POLE: variants seen among roughly 807,000 people sequenced by gnomAD.
POLE encodes DNA polymerase epsilon, catalytic subunit.
A neutral mutation model predicts 279.2 loss-of-function variants in POLE; 188 were observed. That is an observed-to-expected ratio of 0.67 (90% confidence interval 0.60 to 0.76). The LOEUF is 0.76. Among genes scored for constraint, POLE ranks in the 30% least tolerant of loss-of-function variants. POLE has a pLI of 0.00. For synonymous variants in POLE, 1,214 were observed against 1,172.5 expected (o/e 1.04, Z -0.72); for missense variants, 2,703 against 3,016.7 (o/e 0.90, Z 2.44).
rs2138507270 is a variant in POLE, at chr12:132,639,060, C to A, written c.5552+65G>T. On this transcript the variant is annotated intron_variant, in intron 40 of 48. Transcript: ENST00000320574. This position sits in a 1 kb window ranked among gnomAD's most constrained non-coding sequence, Gnocchi z 4.7. Reference sequence around the variant, plus strand: ...GCACTGGCTGGCCATGTCTCTGGTTCTGGGGAGTAAGGGACCAGCCCAGCT... The same window carrying A: ...GCACTGGCTGGCCATGTCTCTGGTTATGGGGAGTAAGGGACCAGCCCAGCT... 1 of 1,417,720 alleles carries A rather than the reference C, an allele frequency of 7.1e-7. No individual in the cohort carries two copies. The highest frequency in any genetic ancestry group is 1.2e-5 in the South Asian group (1 of 84,480). 87.8% of individuals were successfully genotyped at this position (1,417,720 alleles called of 1,614,324 possible). A position where few individuals can be genotyped will look rare whatever the true frequency, so the allele number is the denominator to read the frequency against.
Position 132,672,279 on chromosome 12 carries a change from G to C in POLE, c.1730C>G (p.Thr577Ser), listed in dbSNP as rs1418781426. ...CTCTTCCTCAAGGGCGTGGCGCAAG[G>C]TCTTCTCAACCCGCTGCAGCAGGAA... is the stretch of plus-strand genomic sequence containing the variant. ...FDFLLQRVEKTLRHALEEEEK... is the reference protein window; with the variant it reads ...FDFLLQRVEKSLRHALEEEEK... The change falls in exon 16 of 49, where the codon ACC (threonine) becomes AGC (serine). Residue 577 changes from threonine to serine, a missense_variant. By Grantham distance (58) the Thr-to-Ser change is moderately conservative (BLOSUM62 1). Coordinates refer to ENST00000320574, the MANE Select transcript of POLE (RefSeq NM_006231.4). 1.9e-6 allele frequency: 3 copies of C among 1,614,234 alleles called. No homozygotes were observed. The highest frequency in any genetic ancestry group is 2.5e-6 in the Non-Finnish European group (3 of 1,180,034).
chr12:132,641,547 G>A (rs2042141385), intron 39 of POLE, 100 bp downstream of exon 39: 3 of 979,896 alleles, frequency 3.1e-6, no homozygotes, highest in South Asian at 1.5e-5. Context: ...TAAGACTAAG[G>A]GAAGCCCAAT....
chr12:132,672,420 G>T (rs2042950447), intron 15 of POLE, 98 bp from the exon 16 acceptor site: 4 of 1,178,188 alleles, frequency 3.4e-6, no homozygotes, highest in Non-Finnish European at 5.0e-6. Context: ...GGTTGTGCCC[G>T]AGAAAGCTCC....
At position 132,673,584 on chromosome 12, in the gene POLE, C is replaced by T. The variant is rs1555228575; in HGVS notation, c.1350G>A (p.Glu450=). 6.2e-7 allele frequency: 1 copy of T among 1,612,454 alleles called. No individual in the cohort carries two copies. The highest frequency in any genetic ancestry group is 8.5e-7 in the Non-Finnish European group (1 of 1,179,980). Residue 450 remains glutamate, a synonymous_variant, in exon 13 of 49, where the codon GAG becomes GAA. Coordinates refer to ENST00000320574, the MANE Select transcript of POLE (RefSeq NM_006231.4). ...DPEDMCRMAT[E]QPQTLATYSV... ...GATGTGGCTTACGTGCCTGGGGCTG[C>T]TCCGTGGCCATCCGGCACATGTCCT...
intron 45 of POLE, among the ~76,000 whole-genome samples, chr12:132,627,437 C>T (rs753474123): frequency 2.0e-5 from 3 of 152,074 alleles, no homozygotes; most frequent in East Asian, 1.9e-4. Flanking sequence ...GTAGCTGGGA[C>T]GACAGGCATG....
chr12:132,670,747 C>G (rs1253266628), intron 16 of POLE, among the ~76,000 whole-genome samples: 1 of 152,062 alleles, frequency 6.6e-6, no homozygotes, highest in East Asian at 1.9e-4. Flanking sequence ...CCTCGGCCTC[C>G]CAAAGTGCTG....
At chr12:132,630,690 G>C (rs2041919220) in intron 45 of POLE, among the ~76,000 whole-genome samples, 1 of 152,220 alleles carries the variant, frequency 6.6e-6, no homozygotes. Flanking sequence ...CTGCACCCCA[G>C]CCTGGGCAAT....
chr12:132,652,893 C>T (rs2042454235), intron 29 of POLE, among the ~76,000 whole-genome samples: 1 of 152,134 alleles, frequency 6.6e-6, no homozygotes, highest in Non-Finnish European at 1.5e-5. Context: ...CTTATCCTTA[C>T]CCTTTATATG....
intron 47 of POLE, chr12:132,625,329 C>A (rs1325287947): frequency 2.8e-6 from 2 of 725,120 alleles, no homozygotes; most frequent in Non-Finnish European, 5.1e-6. Flanking sequence ...TGCTCAGATG[C>A]CCCTCGGCAA....
At position 132,647,342 on chromosome 12, in the gene POLE, A is replaced by G. The variant is rs368024562; in HGVS notation, c.4149+1587T>C. ...GTTAAACAAAAATCCTCTAATCCAT[A>G]GTAATACTTTAAAAAGAGAGGAAAA... On this transcript the variant is annotated intron_variant, in intron 32 of 48. Coordinates refer to ENST00000320574, the MANE Select transcript of POLE (RefSeq NM_006231.4). Among the ~76,000 whole-genome samples the G allele has an allele frequency of 1.2e-3, 178 of 152,198 alleles. No individual in the cohort carries two copies. In the Middle Eastern group the frequency reaches 0.017, roughly 15 times the overall value.
rs377036606 is a variant in POLE, at chr12:132,634,382, T to C, written c.5812-4A>G. On this transcript the variant is annotated splice_polypyrimidine_tract_variant and splice_region_variant and intron_variant, in intron 42 of 48. Coordinates refer to ENST00000320574, the MANE Select transcript of POLE (RefSeq NM_006231.4). This position sits in a 1 kb window ranked among gnomAD's most constrained non-coding sequence, Gnocchi z 4.0. ...CCCCTGCTTTCTGGGAGTCTTGCTG[T>C]AACACATGAGACAACGCGGCTGTGT... 2.0e-5 allele frequency: 33 copies of C among 1,611,986 alleles called. No individual in the cohort carries two copies. Among genetic ancestry groups the C allele is most frequent in the Non-Finnish European group, 2.6e-5 (31 of 1,178,544 alleles).
chr12:132,641,143 T>C, intron 39 of POLE: 1 of 446,500 alleles, frequency 2.2e-6, no homozygotes, highest in Non-Finnish European at 4.5e-6. Flanking sequence ...GAATGCGAAG[T>C]GCTCGGCCCA....
intron 45 of POLE, among the ~76,000 whole-genome samples, chr12:132,629,707 A>G (rs959665531): frequency 6.6e-6 from 1 of 152,154 alleles, no homozygotes; most frequent in Non-Finnish European, 1.5e-5. Flanking sequence ...AACTTTCTCC[A>G]TATCAGCAAC....
chr12:132,659,233 G>A (rs527942098), intron 26 of POLE, 62 bp downstream of exon 26: 59 of 1,522,952 alleles, frequency 3.9e-5, no homozygotes, highest in Non-Finnish European at 4.6e-5. Flanking sequence ...GTGACGGAGG[G>A]AGCCCTCACC....
Position 132,680,689 on chromosome 12 carries a change from T to G in POLE, c.205-2A>C. On this transcript the variant is annotated splice_acceptor_variant, in intron 2 of 48. Coordinates refer to ENST00000320574, the MANE Select transcript of POLE (RefSeq NM_006231.4). LOFTEE classifies it high-confidence loss of function. ...CTTATCTTCATCTAAAATCTCGGTC[T>G]ACAAGAGAATCAGTCAACACAGACA... The G allele has an allele frequency of 6.2e-7, 1 of 1,610,714 alleles. No individual in the cohort carries two copies. The highest frequency in any genetic ancestry group is 8.5e-7 in the Non-Finnish European group (1 of 1,176,884).
In POLE at chr12:132,675,365, C is replaced by T. The variant is rs779730694; in HGVS notation, c.1226+33G>A. On this transcript the variant is annotated intron_variant, in intron 12 of 48. Coordinates refer to ENST00000320574, the MANE Select transcript of POLE (RefSeq NM_006231.4). The surrounding 1 kb of genome is among the most constrained non-coding windows in gnomAD (Gnocchi z 4.3). ...GCCTTCAGATCTCGCTCACGGACAG[C>T]AGTGAGGAGCCATGCTGCTCTGTGG... 2 of 1,609,098 alleles carry T rather than the reference C, an allele frequency of 1.2e-6. No homozygotes were observed. Among genetic ancestry groups the T allele is most frequent in the Admixed American group, 1.7e-5 (1 of 59,630 alleles).
In POLE at chr12:132,624,817, GAATA is replaced by G; in HGVS notation, c.6748-11_6748-8del. On this transcript the variant is annotated splice_region_variant and splice_polypyrimidine_tract_variant and intron_variant, in intron 48 of 48. Transcript: ENST00000320574. Reference sequence around the variant, plus strand: ...CGATCTGTTCCATGAAGACCTGCAGGAATAAACAGGCACAGTGAGACCCCAGTCC... The same window carrying G: ...CGATCTGTTCCATGAAGACCTGCAGGAACAGGCACAGTGAGACCCCAGTCC... 6.2e-7 allele frequency: 1 copy of G among 1,603,214 alleles called. No individual in the cohort carries two copies. The highest frequency in any genetic ancestry group is 1.1e-5 in the South Asian group (1 of 90,848).
intron 12 of POLE, among the ~76,000 whole-genome samples, chr12:132,674,864 C>G (rs2043009296): frequency 6.8e-6 from 1 of 147,426 alleles, no homozygotes; most frequent in Non-Finnish European, 1.5e-5. Flanking sequence ...CCTTCCCTTC[C>G]TTCCCTTCCC....
chr12:132,686,885 C>T (rs1345819068), intron 1 of POLE, among the ~76,000 whole-genome samples: 2 of 151,700 alleles, frequency 1.3e-5, no homozygotes, highest in African/African-American at 4.8e-5. Flanking sequence ...CCCGCACCCT[C>T]CCCAGCCGCG....
Sources: gnomAD v4.1 joint callset for allele counts (sites outside exome capture counted in the v4.1 genomes callset) on GRCh38, gnomAD v4.1.1 for gene constraint, Gnocchi (gnomAD v3.1) non-coding constraint, MANE v1.5 for transcripts, NCBI Gene and HGNC (gene_info 2026-07-23, HGNC 2026-07-21) for gene names.